Variants in CUBN observed in about 807,000 individuals in gnomAD.
The protein encoded by CUBN is cubilin.
In CUBN, 282 loss-of-function variants were observed where a neutral mutation model predicts 405.3. The observed-to-expected ratio is 0.70, with a 90% CI of 0.63 to 0.77. The LOEUF (loss-of-function observed/expected upper bound fraction) is 0.77. Ranked by LOEUF, CUBN falls within the 30% of genes least tolerant of loss-of-function variation. The pLI is 0.00. For synonymous variants in CUBN, 1,684 were observed against 1,617.0 expected (o/e 1.04, Z -0.99); for missense variants, 4,514 against 4,475.2 (o/e 1.01, Z -0.25).
At chr10:16,935,231 C>T (rs1158528623) in intron 39 of CUBN, among the ~76,000 whole-genome samples, 1 of 152,094 alleles carries the variant, frequency 6.6e-6, no homozygotes, top group Non-Finnish European at 1.5e-5. Flanking sequence ...GATCACTGCT[C>T]ACTGGCAGCA....
At chr10:17,001,458 T>C (rs1166312641) in intron 28 of CUBN, among the ~76,000 whole-genome samples, 1 of 152,236 alleles carries the variant, frequency 6.6e-6, no homozygotes, top group African/African-American at 2.4e-5. Context: ...TACAGAGTGC[T>C]GATTGGTGCA....
chr10:16,993,725 G>T (rs1406292911), intron 28 of CUBN, among the ~76,000 whole-genome samples: 1 of 149,208 alleles, frequency 6.7e-6, no homozygotes, highest in Non-Finnish European at 1.5e-5. Flanking sequence ...GGCTTGTCTC[G>T]AACTCCTGAC....
At chr10:17,023,568 C>G in intron 27 of CUBN, 1 of 455,394 alleles carries the variant, frequency 2.2e-6, no homozygotes, top group Non-Finnish European at 4.4e-6. Context: ...CATGGAAAGC[C>G]GTCTCACTGA....
intron 45 of CUBN, among the ~76,000 whole-genome samples, chr10:16,917,846 TA>T (rs1418520404): frequency 6.6e-6 from 1 of 152,212 alleles, no homozygotes; most frequent in African/African-American, 2.4e-5. Flanking sequence ...TCATGGTTTT[TA>T]AAAAAGTTTT....
intron 44 of CUBN, 110 bp downstream of exon 44, chr10:16,919,853 C>T: frequency 8.4e-7 from 1 of 1,184,982 alleles, no homozygotes. Flanking sequence ...CCCTTTTCCC[C>T]TAGATTTCCT....
intron 51 of CUBN, 38 bp from the exon 52 acceptor site, chr10:16,901,497 G>GT (rs774599293): frequency 1.2e-6 from 2 of 1,612,716 alleles, no homozygotes; most frequent in Non-Finnish European, 1.7e-6. Context: ...TAAAACAGAA[G>GT]TAAAAAAAAG....
chr10:16,865,931 T>C (rs1300264639), intron 59 of CUBN, among the ~76,000 whole-genome samples: 1 of 152,134 alleles, frequency 6.6e-6, no homozygotes, highest in Non-Finnish European at 1.5e-5. Flanking sequence ...TTGAAGTCAG[T>C]GAGACCACAA....
chr10:17,103,490 C>T (rs1396349555), intron 12 of CUBN, among the ~76,000 whole-genome samples: 1 of 152,186 alleles, frequency 6.6e-6, no homozygotes. Flanking sequence ...CACTGATTCC[C>T]ATTCTCTGTG....
At chr10:17,111,825 G>A (rs1021491827) in intron 8 of CUBN, among the ~76,000 whole-genome samples, 3 of 152,234 alleles carry the variant, frequency 2.0e-5, no homozygotes, top group African/African-American at 7.2e-5. Flanking sequence ...TTGGGAGGCT[G>A]AGGCAGAAGA....
At chr10:17,111,811 C>A (rs1449639970) in intron 8 of CUBN, among the ~76,000 whole-genome samples, 1 of 152,148 alleles carries the variant, frequency 6.6e-6, no homozygotes, top group Non-Finnish European at 1.5e-5. Context: ...GTAGTCCCAG[C>A]TACTTGGGAG....
chr10:16,982,357 A>G (rs549993349), intron 31 of CUBN, 127 bp downstream of exon 31: 5 of 804,146 alleles, frequency 6.2e-6, no homozygotes, highest in Admixed American at 4.1e-5. Context: ...TAAGTTGCCA[A>G]TAGTTTGGTT....
chr10:16,836,471 G>A (rs1839173005), intron 62 of CUBN, 89 bp from the exon 63 acceptor site: 1 of 1,255,280 alleles, frequency 8.0e-7, no homozygotes, highest in Non-Finnish European at 1.2e-6. Flanking sequence ...TAAAAGCATG[G>A]TGTAAATATT....
intron 33 of CUBN, among the ~76,000 whole-genome samples, chr10:16,950,388 G>A (rs1189499961): frequency 1.3e-5 from 2 of 152,090 alleles, no homozygotes; most frequent in African/African-American, 2.4e-5. Context: ...ATTTCACATT[G>A]CATGCCTGTA....
At chr10:16,952,460 T>C in intron 32 of CUBN, 71 bp from the exon 33 acceptor site, 1 of 963,988 alleles carries the variant, frequency 1.0e-6, no homozygotes, top group Non-Finnish European at 1.7e-6. Flanking sequence ...AACAATTATT[T>C]GATGAATAAA....
In CUBN at chr10:16,915,769, T is replaced by C. The variant is rs1841864919; in HGVS notation, c.7210+52A>G. On this transcript the variant is annotated intron_variant, in intron 46 of 66. Coordinates refer to ENST00000377833, the MANE Select transcript of CUBN (RefSeq NM_001081.4). ...AAGTGAAGAAACTTCAGAGGCTGAATAAGTACATGTGAAAATAAACACCCA... is the reference window on the plus strand; with the variant it reads ...AAGTGAAGAAACTTCAGAGGCTGAACAAGTACATGTGAAAATAAACACCCA... 6.1e-6 allele frequency: 9 copies of C among 1,464,280 alleles called. No homozygotes were observed. In the Admixed American group the frequency reaches 1.5e-4, roughly 25 times the overall value. The allele number at this position is 1,464,280 out of a possible 1,614,324, so 90.7% of individuals were successfully genotyped here.
rs11435297 is a variant in CUBN, at chr10:17,002,455, A to ATT, written c.4169-11942_4169-11941dup. ...GGAAGGTCATGGTGGTTTGAGGGTT[A>ATT]TTTTTTTTTCTTTTTATAACTGTTT... On this transcript the variant is annotated intron_variant, in intron 28 of 66. Coordinates refer to ENST00000377833, the MANE Select transcript of CUBN (RefSeq NM_001081.4). 1.3e-4 allele frequency among the ~76,000 whole-genome samples: 20 copies of ATT among 151,346 alleles called. No individual in the cohort carries two copies. In the East Asian group the frequency reaches 1.8e-3, roughly 13 times the overall value.
At chr10:16,858,671 C>T (rs1271322709) in intron 59 of CUBN, among the ~76,000 whole-genome samples, 3 of 152,188 alleles carry the variant, frequency 2.0e-5, no homozygotes, top group African/African-American at 7.2e-5. Context: ...ATAGCTAAAA[C>T]AACTTCACAA....
At chr10:16,881,979 A>T (rs1398035585) in intron 56 of CUBN, among the ~76,000 whole-genome samples, 1 of 152,226 alleles carries the variant, frequency 6.6e-6, no homozygotes, top group Non-Finnish European at 1.5e-5. Context: ...GAAAATAATT[A>T]TATTAAACAC....
intron 48 of CUBN, among the ~76,000 whole-genome samples, chr10:16,909,033 C>A (rs1468325869): frequency 1.3e-5 from 2 of 151,626 alleles, no homozygotes; most frequent in African/African-American, 2.4e-5. Flanking sequence ...CAGGTGCCCG[C>A]CACCGCGCCC....
Sources: gnomAD v4.1 joint callset for allele counts (sites outside exome capture counted in the v4.1 genomes callset) on GRCh38, gnomAD v4.1.1 for gene constraint, MANE v1.5 for transcripts, NCBI Gene and HGNC (gene_info 2026-07-23, HGNC 2026-07-21) for gene names.